RBFOX2: variants seen among roughly 807,000 people sequenced by gnomAD.
The protein encoded by RBFOX2 is RNA binding protein fox-1 homolog 2.
RBFOX2 carries 10 observed loss-of-function variants against 49.1 expected under a neutral mutation model. The observed-to-expected ratio is 0.20, with a 90% CI of 0.13 to 0.35. The LOEUF (loss-of-function observed/expected upper bound fraction) is 0.35, where lower values mean the gene tolerates loss of function less well. RBFOX2 is among the 10% of genes least tolerant of loss of function. The pLI is 1.00. For missense variants in RBFOX2, 323 were observed against 486.9 expected (o/e 0.66, Z 3.17); for synonymous variants, 183 against 187.4 (o/e 0.98, Z 0.19).
chr22:35,878,541 C>A (rs995739424), intron 1 of RBFOX2, among the ~76,000 whole-genome samples: 1 of 152,122 alleles, frequency 6.6e-6, no homozygotes, highest in Non-Finnish European at 1.5e-5. Flanking sequence ...GTAGCCAGGA[C>A]TACAGGTGCA....
At chr22:35,908,428 G>GA (rs2049373533) in intron 1 of RBFOX2, among the ~76,000 whole-genome samples, 1 of 152,192 alleles carries the variant, frequency 6.6e-6, no homozygotes, top group East Asian at 1.9e-4. Flanking sequence ...TTAGGTTACA[G>GA]TTGGGTAAAA....
At chr22:35,902,209 T>C (rs2048671424) in intron 1 of RBFOX2, among the ~76,000 whole-genome samples, 1 of 152,218 alleles carries the variant, frequency 6.6e-6, no homozygotes, top group African/African-American at 2.4e-5. Flanking sequence ...CCTACAATTT[T>C]TGACGTCATG....
intron 1 of RBFOX2, among the ~76,000 whole-genome samples, chr22:35,849,889 T>C (rs1243438648): frequency 6.6e-6 from 1 of 152,056 alleles, no homozygotes; most frequent in Non-Finnish European, 1.5e-5. Context: ...GACTGAAAAC[T>C]ACACTGGAGA....
intron 1 of RBFOX2, among the ~76,000 whole-genome samples, chr22:35,953,240 A>G (rs920249294): frequency 6.6e-6 from 1 of 151,578 alleles, no homozygotes; most frequent in African/African-American, 2.4e-5. Context: ...AAAAAGCCAA[A>G]GGATGGAAAC....
At chr22:35,938,790 T>C in intron 1 of RBFOX2, 57 bp downstream of exon 2, 1 of 1,520,844 alleles carries the variant, frequency 6.6e-7, no homozygotes, top group Non-Finnish European at 9.1e-7. Flanking sequence ...ATAGCAACCC[T>C]TTGATGAAAC....
intron 5 of RBFOX2, among the ~76,000 whole-genome samples, chr22:35,766,939 G>A (rs530550488): frequency 1.3e-5 from 2 of 152,176 alleles, no homozygotes; most frequent in East Asian, 3.9e-4. Flanking sequence ...AAGAGAGTAA[G>A]GTAGGGAAAA....
rs541409863 is a variant in RBFOX2, at chr22:35,911,452, C to T, written c.-34+27395G>A. Among the ~76,000 whole-genome samples, 93 of 152,194 alleles carry T rather than the reference C, an allele frequency of 6.1e-4. No homozygotes were observed. The South Asian group carries it at 0.018, about 29-fold the overall frequency. On this transcript the variant is annotated intron_variant, in intron 1 of 13. Transcript: ENST00000359369. ...AAGGCCTACTGGTGTCTTAATCGACCTCTGATTTATCTTAAAGTTTTGCAT... is the reference window on the plus strand; with the variant it reads ...AAGGCCTACTGGTGTCTTAATCGACTTCTGATTTATCTTAAAGTTTTGCAT...
At chr22:35,877,195 G>T (rs2045239434) in intron 1 of RBFOX2, among the ~76,000 whole-genome samples, 1 of 151,780 alleles carries the variant, frequency 6.6e-6, no homozygotes, top group South Asian at 2.1e-4. Context: ...AAGACATGAA[G>T]ATAAGGAAAA....
At chr22:35,747,433 T>C (rs1363532491) in intron 9 of RBFOX2, 1 of 152,234 alleles carries the variant, frequency 6.6e-6, no homozygotes, top group Non-Finnish European at 1.5e-5. Flanking sequence ...CTTCCAATAG[T>C]CCAAATATCC....
intron 2 of RBFOX2, among the ~76,000 whole-genome samples, chr22:35,787,623 A>C (rs930636580): frequency 6.6e-6 from 1 of 152,346 alleles, no homozygotes; most frequent in East Asian, 1.9e-4. Context: ...AATTGCTGAA[A>C]TATATAAATC....
chr22:35,977,759 T>TATATATACAC lies in RBFOX2; in HGVS notation c.187-38863_187-38862insGTGTATATAT, dbSNP rs2057261336. On this transcript the variant is annotated intron_variant, in intron 1 of 13. Transcript: ENST00000438146. ...ATATATATATATATATATATATATA[T>TATATATACAC]ATACATGCACACACACACATATACA... 3.9e-5 allele frequency among the ~76,000 whole-genome samples: 4 copies of TATATATACAC among 102,786 alleles called. No individual in the cohort carries two copies. The South Asian group carries it at 1.3e-3, about 35-fold the overall frequency. 67.4% of individuals were successfully genotyped at this position (102,786 alleles called of 152,430 possible). A position where few individuals can be genotyped will look rare whatever the true frequency, so the allele number is the denominator to read the frequency against.
At chr22:35,950,948 G>T (rs1353126590) in intron 1 of RBFOX2, among the ~76,000 whole-genome samples, 3 of 148,524 alleles carry the variant, frequency 2.0e-5, no homozygotes, top group East Asian at 3.9e-4. Flanking sequence ...TTATGGTAAA[G>T]AATTCTTTTT....
At chr22:35,833,684 AC>A (rs1036326889) in intron 1 of RBFOX2, among the ~76,000 whole-genome samples, 7 of 152,352 alleles carry the variant, frequency 4.6e-5, no homozygotes, top group Middle Eastern at 3.4e-3. Context: ...GTATAAAAAA[AC>A]AAAAACATTT....
chr22:35,878,499 G>A lies in RBFOX2; in HGVS notation c.-34+60348C>T, dbSNP rs2045451703. Among the ~76,000 whole-genome samples, 3 of 152,174 alleles carry A rather than the reference G, an allele frequency of 2.0e-5. 1 individual carries two copies. The highest frequency in any genetic ancestry group is 2.0e-4 in the Admixed American group (3 of 15,270). ...AGCTCACTGCAGCTTTGACCTCCTG[G>A]GCTCAAGCAATCCTCTTGTCTCAAC... On this transcript the variant is annotated intron_variant, in intron 1 of 13. Coordinates refer to the RBFOX2 transcript ENST00000359369.
intron 1 of RBFOX2, among the ~76,000 whole-genome samples, chr22:35,917,096 T>A (rs2050514267): frequency 6.6e-6 from 1 of 152,206 alleles, no homozygotes; most frequent in Non-Finnish European, 1.5e-5. Flanking sequence ...GTAAACAGCA[T>A]GAGAATGCCA....
intron 2 of RBFOX2, among the ~76,000 whole-genome samples, chr22:35,807,319 T>C (rs1325880830): frequency 6.6e-6 from 1 of 152,016 alleles, no homozygotes; most frequent in Non-Finnish European, 1.5e-5. Flanking sequence ...AAAAAACCAA[T>C]TGGTTAAGAA....
At chr22:35,989,116 G>A in intron 1 of RBFOX2, among the ~76,000 whole-genome samples, 1 of 152,202 alleles carries the variant, frequency 6.6e-6, no homozygotes, top group East Asian at 1.9e-4. Context: ...CACTGAGCAG[G>A]TGGATACAGA....
rs531502967 is a variant in RBFOX2, at chr22:35,985,097, C to T, written c.186+43143G>A. On this transcript the variant is annotated intron_variant, in intron 1 of 13. Coordinates refer to the RBFOX2 transcript ENST00000438146. ...TGGATGGTGGCTGTTCCAAAGTAGACTCATTTGGTCCCTCAAGACCAAATC... is the reference window on the plus strand; with the variant it reads ...TGGATGGTGGCTGTTCCAAAGTAGATTCATTTGGTCCCTCAAGACCAAATC... 2.6e-5 allele frequency among the ~76,000 whole-genome samples: 4 copies of T among 152,282 alleles called. No individual in the cohort carries two copies. In the South Asian group the frequency reaches 8.3e-4, roughly 32 times the overall value.
chr22:35,937,985 C>T (rs1603451031), intron 1 of RBFOX2, among the ~76,000 whole-genome samples: 2 of 152,332 alleles, frequency 1.3e-5, no homozygotes, highest in South Asian at 4.1e-4. Flanking sequence ...AGCACTGTAA[C>T]TCATATCTCC....
Sources: gnomAD v4.1 joint callset for allele counts (sites outside exome capture counted in the v4.1 genomes callset) on GRCh38, gnomAD v4.1.1 for gene constraint, MANE v1.5 for transcripts, NCBI Gene and HGNC (gene_info 2026-07-23, HGNC 2026-07-21) for gene names.